The following EIF4EBP2 variants were observed in gnomAD, a reference collection of about 807,000 sequenced individuals.
EIF4EBP2 encodes the protein eukaryotic translation initiation factor 4E binding protein 2, also known as eukaryotic translation initiation factor 4E-binding protein 2.
EIF4EBP2 carries 5 observed loss-of-function variants against 10.3 expected under a neutral mutation model. The ratio of observed to expected loss-of-function variants is 0.48; its 90% CI spans 0.25 to 1.02. The LOEUF is 1.02. Among genes scored for constraint, EIF4EBP2 ranks in the 50% least tolerant of loss-of-function variants. The pLI is 0.15. For missense variants in EIF4EBP2, 188 were observed against 162.2 expected (o/e 1.16, Z -0.86); for synonymous variants, 67 against 61.1 (o/e 1.10, Z -0.45).
chr10:70,405,252 A>G (rs75838758), intron 1 of EIF4EBP2, among the ~76,000 whole-genome samples: 88 of 152,296 alleles, frequency 5.8e-4, no homozygotes, highest in Non-Finnish European at 1.1e-3. Context: ...GCCTTTGGAA[A>G]TGGATTGAAG....
At chr10:70,419,144 C>G (rs1168073723) in intron 1 of EIF4EBP2, among the ~76,000 whole-genome samples, 4 of 152,206 alleles carry the variant, frequency 2.6e-5, no homozygotes, top group Non-Finnish European at 5.9e-5. Flanking sequence ...AATAGCCATC[C>G]TAAGAGATGT....
chr10:70,411,415 T>A (rs1845042999), intron 1 of EIF4EBP2, among the ~76,000 whole-genome samples: 1 of 152,170 alleles, frequency 6.6e-6, no homozygotes, highest in African/African-American at 2.4e-5. Context: ...TACATTTTTT[T>A]AATACCTATG....
chr10:70,406,893 GTTTA>G lies in EIF4EBP2; in HGVS notation c.145+2363_145+2366del, dbSNP rs1281693430. 1.9e-3 allele frequency among the ~76,000 whole-genome samples: 294 copies of G among 152,112 alleles called. 2 individuals carry two copies. The highest frequency in any genetic ancestry group is 6.6e-3 in the African/African-American group (275 of 41,542). On this transcript the variant is annotated intron_variant, in intron 1 of 2. Transcript: ENST00000373218. Reference sequence around the variant, plus strand: ...CCCATCATAATCTTTGGATTTATTTGTTTATTTATTTATTTATTTTTGGAGACGG... The same window carrying G: ...CCCATCATAATCTTTGGATTTATTTGTTTATTTATTTATTTTTGGAGACGG...
chr10:70,415,862 CACAA>C (rs1564662261), intron 1 of EIF4EBP2, among the ~76,000 whole-genome samples: 2 of 147,024 alleles, frequency 1.4e-5, no homozygotes, highest in Admixed American at 6.7e-5. Context: ...ACTCCAAAAG[CACAA>C]ACAAAAGAAA....
chr10:70,415,903 T>G (rs1229503029), intron 1 of EIF4EBP2, among the ~76,000 whole-genome samples: 1 of 150,410 alleles, frequency 6.6e-6, no homozygotes, highest in Non-Finnish European at 1.5e-5. Flanking sequence ...TTGGACATCA[T>G]GAAAATTAAG....
chr10:70,415,058 T>C (rs2137228639), intron 1 of EIF4EBP2, among the ~76,000 whole-genome samples: 1 of 151,436 alleles, frequency 6.6e-6, no homozygotes, highest in Middle Eastern at 3.4e-3. Flanking sequence ...CTAGGGAGGC[T>C]GAGGCAGGAG....
rs1254257032 is a variant in EIF4EBP2, at chr10:70,424,797, G to T, written c.*3050G>T. ...TCTTCTTTTTAGTGTGGTTTATTGA[G>T]TTCAGCAGTTCTCATATTCTGTTTA... On this transcript the variant is annotated 3_prime_UTR_variant, in exon 3 of 3. Coordinates refer to ENST00000373218, the MANE Select transcript of EIF4EBP2 (RefSeq NM_004096.5). The T allele has an allele frequency of 1.3e-5, 2 of 152,172 alleles. No individual in the cohort carries two copies. Among genetic ancestry groups the T allele is most frequent in the African/African-American group, 4.8e-5 (2 of 41,434 alleles). 9.4% of individuals were successfully genotyped at this position (152,172 alleles called of 1,614,324 possible).
chr10:70,413,590 A>G (rs1845064568), intron 1 of EIF4EBP2, among the ~76,000 whole-genome samples: 2 of 144,604 alleles, frequency 1.4e-5, no homozygotes, highest in Admixed American at 1.4e-4. Flanking sequence ...CCTGGGTGAT[A>G]GAGCAAGACC....
At chr10:70,421,087 G>A (rs1398751872) in intron 2 of EIF4EBP2, among the ~76,000 whole-genome samples, 3 of 152,194 alleles carry the variant, frequency 2.0e-5, no homozygotes, top group African/African-American at 4.8e-5. Flanking sequence ...GAGCCACTGC[G>A]CCTGGCCGAC....
At chr10:70,404,612 T>C (rs1564659382) in intron 1 of EIF4EBP2, 66 bp downstream of exon 1, 11 of 1,442,504 alleles carry the variant, frequency 7.6e-6, no homozygotes, top group Non-Finnish European at 1.8e-6. Context: ...CCTCGGCGCC[T>C]CGGTGCCCGG....
At chr10:70,407,887 G>A (rs1254695457) in intron 1 of EIF4EBP2, among the ~76,000 whole-genome samples, 3 of 130,794 alleles carry the variant, frequency 2.3e-5, no homozygotes, top group Admixed American at 7.4e-5. Flanking sequence ...CGGATGGGGC[G>A]GCTGGCCGGG....
At chr10:70,406,110 T>A (rs573699816) in intron 1 of EIF4EBP2, among the ~76,000 whole-genome samples, 46 of 152,196 alleles carry the variant, frequency 3.0e-4, no homozygotes, top group Admixed American at 1.8e-3. Flanking sequence ...GCCTCCTGAG[T>A]AGCTGGACCA....
rs778792323 is a variant in EIF4EBP2 at position 70,404,560 on chromosome 10, A to T, written c.145+14A>T. The T allele has an allele frequency of 3.3e-6, 5 of 1,536,982 alleles. No individual in the cohort carries two copies. The highest frequency in any genetic ancestry group is 4.4e-6 in the Non-Finnish European group (5 of 1,146,698). ...CCACACCGGGAGGTGAGCGCCGGCC[A>T]GCCGTCCGCCGCGCCCGGTGTCCCG... is the stretch of plus-strand genomic sequence containing the variant. On this transcript the variant is annotated intron_variant, in intron 1 of 2. Coordinates refer to ENST00000373218, the MANE Select transcript of EIF4EBP2 (RefSeq NM_004096.5).
rs1191511322 is a variant in EIF4EBP2 at position 70,426,927 on chromosome 10, T to G, written c.*5180T>G. 6.6e-6 allele frequency: 1 copy of G among 152,322 alleles called. No homozygotes were observed. The highest frequency in any genetic ancestry group is 1.5e-5 in the Non-Finnish European group (1 of 68,042). The allele number at this position is 152,322 out of a possible 1,614,324, so 9.4% of individuals were successfully genotyped here. ...GGGTTTCACTGCCGGAGTCCATCATTTAGCCAGTATACATAGAGGAACTGC... is the reference window on the plus strand; with the variant it reads ...GGGTTTCACTGCCGGAGTCCATCATGTAGCCAGTATACATAGAGGAACTGC... On this transcript the variant is annotated 3_prime_UTR_variant, in exon 3 of 3. Transcript: ENST00000373218.
At chr10:70,407,730 A>ACC (rs750558076) in intron 1 of EIF4EBP2, among the ~76,000 whole-genome samples, 4,695 of 103,422 alleles carry the variant, frequency 0.045, 402 homozygotes, top group South Asian at 0.11. Flanking sequence ...CGGGGGGCTG[A>ACC]CCCCCCCCCC....
chr10:70,422,009 G>A lies in EIF4EBP2; in HGVS notation c.*262G>A. 2.2e-6 allele frequency: 1 copy of A among 445,016 alleles called. No homozygotes were observed. The highest frequency in any genetic ancestry group is 4.0e-6 in the Non-Finnish European group (1 of 248,462). 27.6% of individuals were successfully genotyped at this position (445,016 alleles called of 1,614,324 possible). On this transcript the variant is annotated 3_prime_UTR_variant, in exon 3 of 3. Transcript: ENST00000373218. ...TGCTGTATTTCTGTAGAGCTAAGCA[G>A]CCCTTAGAGGAAAACAGTTCAACTC...
At chr10:70,405,470 C>T (rs764777574) in intron 1 of EIF4EBP2, among the ~76,000 whole-genome samples, 1 of 152,204 alleles carries the variant, frequency 6.6e-6, no homozygotes, top group African/African-American at 2.4e-5. Flanking sequence ...CCTAACTGGG[C>T]TGTCCTCCAG....
Position 70,419,933 on chromosome 10 carries a change from CAGAA to C in EIF4EBP2, c.168_171del (p.Arg56SerfsTer31). 6.3e-7 allele frequency: 1 copy of C among 1,585,302 alleles called. No individual in the cohort carries two copies. Among genetic ancestry groups the C allele is most frequent in the Non-Finnish European group, 8.5e-7 (1 of 1,169,826 alleles). On this transcript the variant is annotated frameshift_variant, in exon 2 of 3. Transcript: ENST00000373218. LOFTEE classifies it high-confidence loss of function. ...TTCCAGGAACTCGAATCATTTATGA[CAGAA>C]AGTTTCTGTTGGATCGTCGCAATTC...
intron 1 of EIF4EBP2, among the ~76,000 whole-genome samples, chr10:70,408,992 A>G (rs1301649663): frequency 6.6e-6 from 1 of 152,246 alleles, no homozygotes; most frequent in African/African-American, 2.4e-5. Flanking sequence ...AGAGCATTCC[A>G]GCATAACAAC....
Sources: allele counts gnomAD v4.1 joint callset (sites outside exome capture counted in the v4.1 genomes callset), GRCh38; gene constraint gnomAD v4.1.1; transcripts MANE v1.5; gene names NCBI Gene and HGNC (gene_info 2026-07-23, HGNC 2026-07-21).